Variants in CWF19L2 observed in about 807,000 individuals in gnomAD.
The protein encoded by CWF19L2 is CWF19 like cell cycle control factor 2.
In CWF19L2, 98 loss-of-function variants were observed where a neutral mutation model predicts 111.7. The observed-to-expected ratio is 0.88, with a 90% CI of 0.75 to 1.04. CWF19L2 has a LOEUF of 1.04. CWF19L2 is among the 50% of genes least tolerant of loss of function. CWF19L2 has a pLI of 0.00. For synonymous variants in CWF19L2, 351 were observed against 342.9 expected, an observed-to-expected ratio of 1.02 and a Z score of -0.26; for missense variants, 1,101 against 1,051.4, an observed-to-expected ratio of 1.05 and a Z score of -0.65.
At chr11:107,402,869 G>GTATATATATATA (rs1491324734) in intron 10 of CWF19L2, among the ~76,000 whole-genome samples, 4 of 22,020 alleles carry the variant, frequency 1.8e-4, no homozygotes, top group Non-Finnish European at 1.5e-4. Context: ...ACAAACTGTG[G>GTATATATATATA]TGTGTATATA....
intron 8 of CWF19L2, among the ~76,000 whole-genome samples, chr11:107,428,078 G>A (rs936102067): frequency 5.3e-5 from 8 of 151,976 alleles, no homozygotes; most frequent in African/African-American, 1.7e-4. Context: ...GATCATTCAC[G>A]TGTAAGTTGT....
At chr11:107,440,057 G>A (rs1032140120) in intron 5 of CWF19L2, among the ~76,000 whole-genome samples, 1 of 152,186 alleles carries the variant, frequency 6.6e-6, no homozygotes, top group Non-Finnish European at 1.5e-5. Flanking sequence ...ACTGTAATGT[G>A]TGACGCGGCC....
At chr11:107,371,187 T>G (rs1458454775) in intron 12 of CWF19L2, among the ~76,000 whole-genome samples, 1 of 135,440 alleles carries the variant, frequency 7.4e-6, no homozygotes, top group Non-Finnish European at 1.6e-5. Context: ...GTATTTTTAG[T>G]AGAGACAGGA....
intron 14 of CWF19L2, among the ~76,000 whole-genome samples, chr11:107,339,940 T>C (rs1420444493): frequency 6.6e-6 from 1 of 152,144 alleles, no homozygotes; most frequent in Non-Finnish European, 1.5e-5. Context: ...AGTCCTGAGA[T>C]TACAGGCGTG....
intron 10 of CWF19L2, among the ~76,000 whole-genome samples, chr11:107,395,308 C>T (rs1418562222): frequency 1.2e-4 from 19 of 152,224 alleles, no homozygotes; most frequent in Admixed American, 1.2e-3. Flanking sequence ...GACTGTGAGG[C>T]CTCCCCAGCC....
At chr11:107,394,150 A>G (rs1860888462) in intron 10 of CWF19L2, among the ~76,000 whole-genome samples, 1 of 152,216 alleles carries the variant, frequency 6.6e-6, no homozygotes, top group Admixed American at 6.5e-5. Flanking sequence ...GAAAAAATCA[A>G]TCCCAATTCC....
intron 14 of CWF19L2, 32 bp from the exon 15 acceptor site, chr11:107,336,745 C>T (rs537507003): frequency 3.6e-5 from 42 of 1,177,168 alleles, no homozygotes; most frequent in Non-Finnish European, 4.7e-5. Context: ...GTAAAGAAAA[C>T]ACTTAAAGGA....
intron 16 of CWF19L2, among the ~76,000 whole-genome samples, chr11:107,334,547 G>T (rs1262607907): frequency 6.6e-6 from 1 of 152,114 alleles, no homozygotes; most frequent in Non-Finnish European, 1.5e-5. Flanking sequence ...TATATTTCAG[G>T]AAGGCCCTTC....
At chr11:107,445,332 G>A (rs953265909) in intron 3 of CWF19L2, among the ~76,000 whole-genome samples, 3 of 152,122 alleles carry the variant, frequency 2.0e-5, no homozygotes, top group South Asian at 2.1e-4. Flanking sequence ...CAGGCTGGGC[G>A]CGGTGGCTCA....
At chr11:107,403,295 A>C in intron 10 of CWF19L2, 1 of 463,308 alleles carries the variant, frequency 2.2e-6, no homozygotes, top group South Asian at 2.7e-5. Flanking sequence ...TTCAGAGTCC[A>C]GTCATTCTAA....
chr11:107,356,207 A>T (rs1021738350), intron 12 of CWF19L2, among the ~76,000 whole-genome samples: 1 of 152,226 alleles, frequency 6.6e-6, no homozygotes, highest in Non-Finnish European at 1.5e-5. Flanking sequence ...AAAATACAAC[A>T]TATCAGAATT....
At chr11:107,361,632 G>C (rs1860339234) in intron 12 of CWF19L2, among the ~76,000 whole-genome samples, 1 of 152,166 alleles carries the variant, frequency 6.6e-6, no homozygotes, top group Non-Finnish European at 1.5e-5. Flanking sequence ...CCATTTATTT[G>C]TGTCATCTAC....
chr11:107,430,556 G>A (rs546428236), intron 7 of CWF19L2, among the ~76,000 whole-genome samples: 2 of 151,888 alleles, frequency 1.3e-5, no homozygotes, highest in Non-Finnish European at 2.9e-5. Context: ...CAATGAATTC[G>A]GGCAAAGATC....
Position 107,433,741 on chromosome 11 carries a change from C to T in CWF19L2, c.673G>A (p.Val225Ile), listed in dbSNP as rs377024861. ...AGCCAGCTTAATCCACCATCTTCTA[C>T]CACTGAAACTAAATTCCAGTATTAA... ...SVSSITKVSVVEDGGLSWLRK... is the reference protein window; with the variant it reads ...SVSSITKVSVIEDGGLSWLRK... The change falls in exon 7 of 18, where the codon GTA becomes ATA. Residue 225 changes from valine to isoleucine, a missense_variant. Transcript: ENST00000282251. 61 of 1,536,886 alleles carry T rather than the reference C, an allele frequency of 4.0e-5. No individual in the cohort carries two copies. Among genetic ancestry groups the T allele is most frequent in the Admixed American group, 7.3e-5 (4 of 55,138 alleles).
At chr11:107,397,154 A>C (rs1193139284) in intron 10 of CWF19L2, among the ~76,000 whole-genome samples, 9 of 152,294 alleles carry the variant, frequency 5.9e-5, no homozygotes, top group South Asian at 2.1e-4. Flanking sequence ...GAACAGGGTG[A>C]GAAACCTCCT....
chr11:107,410,218 T>C (rs2135392674), intron 10 of CWF19L2, among the ~76,000 whole-genome samples: 1 of 152,270 alleles, frequency 6.6e-6, no homozygotes, highest in East Asian at 1.9e-4. Context: ...TATTCCATGA[T>C]TTTCCTCTAG....
chr11:107,436,703 A>ATTAC (rs1182169582), intron 6 of CWF19L2, among the ~76,000 whole-genome samples: 3 of 152,210 alleles, frequency 2.0e-5, no homozygotes, highest in Non-Finnish European at 4.4e-5. Context: ...GGAGTCTGTA[A>ATTAC]GCAAGAATTC....
At chr11:107,350,102 G>T (rs566756029) in intron 13 of CWF19L2, among the ~76,000 whole-genome samples, 3 of 152,044 alleles carry the variant, frequency 2.0e-5, no homozygotes, top group Admixed American at 2.0e-4. Flanking sequence ...ACATAAAAGA[G>T]AAAAGAAAAT....
At chr11:107,330,313 A>G (rs1859826838) in intron 16 of CWF19L2, among the ~76,000 whole-genome samples, 1 of 152,184 alleles carries the variant, frequency 6.6e-6, no homozygotes, top group African/African-American at 2.4e-5. Context: ...TTTTAAAAAT[A>G]CAAATGCAAA....
Sources: gnomAD v4.1 joint callset for allele counts (sites outside exome capture counted in the v4.1 genomes callset) on GRCh38, gnomAD v4.1.1 for gene constraint, MANE v1.5 for transcripts, NCBI Gene and HGNC (gene_info 2026-07-23, HGNC 2026-07-21) for gene names.